The following COL27A1 variants were observed in gnomAD, a reference collection of about 807,000 sequenced individuals.
The protein encoded by COL27A1 is collagen type XXVII alpha 1 chain, also known as collagen alpha-1(XXVII) chain.
COL27A1 carries 106 observed loss-of-function variants against 251.3 expected under a neutral mutation model. The observed-to-expected ratio is 0.42, with a 90% CI of 0.36 to 0.50. The LOEUF (loss-of-function observed/expected upper bound fraction) is 0.50, where lower values mean the gene tolerates loss of function less well. COL27A1 is among the 20% of genes least tolerant of loss of function. The pLI, the probability that COL27A1 is intolerant of heterozygous loss-of-function variation, is 0.00. For synonymous variants in COL27A1, 1,000 were observed against 986.3 expected (o/e 1.01, Z -0.26); for missense variants, 2,325 against 2,522.8 (o/e 0.92, Z 1.68).
rs370283985 is a variant in COL27A1, at chr9:114,312,342, C to T, written c.*1647C>T. The T allele has an allele frequency of 5.9e-5, 9 of 152,328 alleles. 1 individual carries two copies. The highest frequency in any genetic ancestry group is 1.9e-4 in the African/African-American group (8 of 41,552). The allele number at this position is 152,328 out of a possible 1,614,324, so 9.4% of individuals were successfully genotyped here. ...GCAGCTCGGGCCTCATCTCAGCGCT[C>T]GGATCCCTCCTGCTGCCAGAATCCA... is the stretch of plus-strand genomic sequence containing the variant. On this transcript the variant is annotated 3_prime_UTR_variant, in exon 61 of 61. Transcript: ENST00000356083.
intron 7 of COL27A1, among the ~76,000 whole-genome samples, chr9:114,202,517 AATG>A (rs1173431109): frequency 6.6e-6 from 1 of 152,130 alleles, no homozygotes; most frequent in Non-Finnish European, 1.5e-5. Flanking sequence ...CAGGTGGAAA[AATG>A]ATGATCACGG....
intron 4 of COL27A1, among the ~76,000 whole-genome samples, chr9:114,181,696 G>T (rs1437489389): frequency 6.6e-6 from 1 of 152,170 alleles, no homozygotes; most frequent in Non-Finnish European, 1.5e-5. Flanking sequence ...TCTAGGCCAG[G>T]GCCCTTGCTG....
chr9:114,238,049 G>T (rs1757592121), intron 19 of COL27A1, among the ~76,000 whole-genome samples: 2 of 152,202 alleles, frequency 1.3e-5, no homozygotes, highest in Admixed American at 1.3e-4. Context: ...TCCACTCAGA[G>T]TTCCCTCTCC....
rs751192855 is a variant in COL27A1 at position 114,169,168 on chromosome 9, G to C, written c.1613G>C (p.Gly538Ala). 1 of 1,614,072 alleles carries C rather than the reference G, an allele frequency of 6.2e-7. No homozygotes were observed. The highest frequency in any genetic ancestry group is 1.1e-5 in the South Asian group (1 of 91,076). Residue 538 changes from glycine (G) to alanine (A), a missense_variant, in exon 3 of 61, where the codon GGA becomes GCA. This residue lies in a region of COL27A1 where 1,183 missense variants were observed against 1,144.1 expected (regional missense o/e 1.03). Transcript: ENST00000356083. The stretch of plus-strand genomic sequence containing the variant: ...CCCACTGGAAGCAAGAAGCCCATTG[G>C]ATCGGAAGCCTCAAAGAAAGCCGGA... ...SAPTGSKKPI[G>A]SEASKKAGPK... is the part of the protein sequence containing the mutation.
chr9:114,198,121 G>T (rs539177923), intron 7 of COL27A1, among the ~76,000 whole-genome samples: 76 of 152,344 alleles, frequency 5.0e-4, no homozygotes, highest in African/African-American at 1.7e-3. Flanking sequence ...GGTGAGGTTA[G>T]CTTCCTCTTC....
At chr9:114,259,528 G>GC (rs1400834890) in intron 28 of COL27A1, among the ~76,000 whole-genome samples, 1 of 151,208 alleles carries the variant, frequency 6.6e-6, no homozygotes, top group Non-Finnish European at 1.5e-5. Context: ...TAAACTAGGT[G>GC]CTATGTGATT....
intron 23 of COL27A1, among the ~76,000 whole-genome samples, chr9:114,245,164 T>TG (rs1564517343): frequency 6.5e-4 from 94 of 143,948 alleles, no homozygotes; most frequent in African/African-American, 1.8e-3. Context: ...TTTTTTTTTT[T>TG]TTTTTTTTTT....
intron 7 of COL27A1, among the ~76,000 whole-genome samples, chr9:114,196,460 G>A (rs1031714262): frequency 1.2e-4 from 18 of 152,196 alleles, no homozygotes; most frequent in African/African-American, 4.3e-4. Flanking sequence ...ACCCTGCACA[G>A]TCTGGGGCTG....
intron 32 of COL27A1, among the ~76,000 whole-genome samples, chr9:114,265,701 T>C (rs1417122655): frequency 6.6e-6 from 1 of 152,166 alleles, no homozygotes. Context: ...ATGGGGGTGA[T>C]TGTCTCTGCC....
At position 114,155,813 on chromosome 9, in the gene COL27A1, TG is replaced by T; in HGVS notation, c.-135del. ...CGCTGCCTGCCTGCTCGGGCGCCCC[TG>T]GGCGCGGGGCTGCGCTGGGGGCGCG... On this transcript the variant is annotated 5_prime_UTR_variant, in exon 1 of 61. An upstream open reading frame in the 5' UTR loses its in-frame stop. Coordinates refer to ENST00000356083, the MANE Select transcript of COL27A1 (RefSeq NM_032888.4). This position sits in a 1 kb window ranked among gnomAD's most constrained non-coding sequence, Gnocchi z 5.5. The T allele has an allele frequency of 1.5e-6, 1 of 682,492 alleles. No individual in the cohort carries two copies. The allele number at this position is 682,492 out of a possible 1,614,324, so 42.3% of individuals were successfully genotyped here.
chr9:114,205,729 T>C, intron 8 of COL27A1, 30 bp from the exon 9 acceptor site: 1 of 1,611,178 alleles, frequency 6.2e-7, no homozygotes, highest in Non-Finnish European at 8.5e-7. Context: ...GGTCTTTCTT[T>C]TCCTTATGTT....
intron 7 of COL27A1, among the ~76,000 whole-genome samples, chr9:114,196,503 T>C (rs1345027440): frequency 6.6e-6 from 1 of 152,150 alleles, no homozygotes; most frequent in African/African-American, 2.4e-5. Context: ...AGCGGAGAAG[T>C]TGAGGGAGTG....
chr9:114,305,263 T>C (rs1051101446), intron 57 of COL27A1, among the ~76,000 whole-genome samples: 1 of 152,174 alleles, frequency 6.6e-6, no homozygotes, highest in Non-Finnish European at 1.5e-5. Context: ...CTGAGACAGA[T>C]GGATGGCCAG....
chr9:114,275,342 C>T (rs1835426746), intron 36 of COL27A1, among the ~76,000 whole-genome samples: 1 of 152,172 alleles, frequency 6.6e-6, no homozygotes, highest in South Asian at 2.1e-4. Context: ...GCCCTTGTCT[C>T]CTGTGAACTC....
intron 16 of COL27A1, 122 bp downstream of exon 16, chr9:114,231,988 G>C: frequency 1.1e-6 from 1 of 935,968 alleles, no homozygotes; most frequent in East Asian, 2.4e-5. Flanking sequence ...CCTCTCCTCT[G>C]GCCTCCCCTA....
At chr9:114,249,663 T>G (rs912169557) in intron 24 of COL27A1, among the ~76,000 whole-genome samples, 1 of 152,226 alleles carries the variant, frequency 6.6e-6, no homozygotes, top group Non-Finnish European at 1.5e-5. Context: ...CCGGCCTTAT[T>G]GACTGAGTAC....
At chr9:114,236,365 C>CT (rs1354886872) in intron 17 of COL27A1, among the ~76,000 whole-genome samples, 3 of 152,182 alleles carry the variant, frequency 2.0e-5, no homozygotes, top group Non-Finnish European at 4.4e-5. Flanking sequence ...GGGTCCTGTC[C>CT]TTGATCATGA....
At chr9:114,236,355 G>C (rs1415938991) in intron 17 of COL27A1, among the ~76,000 whole-genome samples, 1 of 152,188 alleles carries the variant, frequency 6.6e-6, no homozygotes, top group African/African-American at 2.4e-5. Flanking sequence ...GCTCGGCTCA[G>C]GGTCCTGTCC....
In COL27A1 at chr9:114,289,064, C is replaced by T. The variant is rs1357451290; in HGVS notation, c.4152+97C>T. ...AGGCCCTTTAAAGCTTAAAGGGACC[C>T]TCCCTGCAGGAGGGTCTGGGGCAGC... On this transcript the variant is annotated intron_variant, in intron 44 of 60. Coordinates refer to ENST00000356083, the MANE Select transcript of COL27A1 (RefSeq NM_032888.4). 4.7e-6 allele frequency: 7 copies of T among 1,479,768 alleles called. No homozygotes were observed. The African/African-American group carries it at 8.3e-5, about 18-fold the overall frequency. 91.7% of individuals were successfully genotyped at this position (1,479,768 alleles called of 1,614,324 possible). A position where few individuals can be genotyped will look rare whatever the true frequency, so the allele number is the denominator to read the frequency against.
Sources: gnomAD v4.1 joint callset for allele counts (sites outside exome capture counted in the v4.1 genomes callset) on GRCh38, gnomAD v4.1.1 for gene constraint, gnomAD v4.1.1 regional missense constraint, Gnocchi (gnomAD v3.1) non-coding constraint, MANE v1.5 for transcripts, NCBI Gene and HGNC (gene_info 2026-07-23, HGNC 2026-07-21) for gene names.